Variants in NEK1 observed in about 807,000 individuals in gnomAD.
NEK1 encodes serine/threonine-protein kinase Nek1.
A neutral mutation model predicts 182.1 loss-of-function variants in NEK1; 137 were observed. That is an observed-to-expected ratio of 0.75 (90% CI 0.65 to 0.87). The LOEUF (loss-of-function observed/expected upper bound fraction) is 0.87. Among genes scored for constraint, NEK1 ranks in the 40% least tolerant of loss-of-function variants. The pLI, the probability that NEK1 is intolerant of heterozygous loss-of-function variation, is 0.00. For missense variants in NEK1, 1,391 were observed against 1,494.4 expected, an observed-to-expected ratio of 0.93 and a Z score of 1.14; for synonymous variants, 513 against 492.2, an observed-to-expected ratio of 1.04 and a Z score of -0.56.
At chr4:169,498,209 A>G (rs1346432472) in intron 23 of NEK1, among the ~76,000 whole-genome samples, 1 of 152,122 alleles carries the variant, frequency 6.6e-6, no homozygotes, top group Non-Finnish European at 1.5e-5. Context: ...GTCTTTTATC[A>G]GAGACTAGGA....
intron 23 of NEK1, among the ~76,000 whole-genome samples, chr4:169,486,273 CT>C (rs1340497315): frequency 6.6e-6 from 1 of 152,058 alleles, no homozygotes; most frequent in Non-Finnish European, 1.5e-5. Flanking sequence ...TCAATTATCG[CT>C]GTAAAACTGT....
intron 29 of NEK1, 140 bp downstream of exon 29, chr4:169,433,405 A>G: frequency 2.6e-6 from 2 of 770,930 alleles, no homozygotes; most frequent in Non-Finnish European, 4.0e-6. Context: ...CCATATGAAT[A>G]TCTATTCAAA....
In NEK1 at chr4:169,546,553, C is replaced by T. The variant is rs534990340; in HGVS notation, c.1563-8642G>A. Among the ~76,000 whole-genome samples, 8 of 152,176 alleles carry T rather than the reference C, an allele frequency of 5.3e-5. No individual in the cohort carries two copies. The East Asian group carries it at 1.2e-3, about 22-fold the overall frequency. ...GGATATCCTTGTTAATTTTGTGTCT[C>T]ATTGATCTAATATTGACAGTGGGGT... On this transcript the variant is annotated intron_variant, in intron 18 of 35. Coordinates refer to ENST00000507142, the MANE Select transcript of NEK1 (RefSeq NM_001199397.3).
chr4:169,458,445 AG>A, intron 27 of NEK1, among the ~76,000 whole-genome samples: 1 of 152,222 alleles, frequency 6.6e-6, no homozygotes, highest in East Asian at 1.9e-4. Context: ...ATGCAAAACT[AG>A]GCCGGGTGCA....
intron 18 of NEK1, chr4:169,554,936 T>C (rs2149904005): frequency 6.6e-6 from 1 of 152,312 alleles, no homozygotes; most frequent in East Asian, 1.9e-4. Flanking sequence ...TTCCACTCCA[T>C]TTTGCTGTGA....
intron 13 of NEK1, 33 bp from the exon 14 acceptor site, chr4:169,561,924 A>T: frequency 6.4e-7 from 1 of 1,555,962 alleles, no homozygotes; most frequent in Non-Finnish European, 8.7e-7. Context: ...TTAATCCATA[A>T]TAATTCCTGT....
chr4:169,607,971 G>A (rs1016367135), intron 2 of NEK1, among the ~76,000 whole-genome samples: 3 of 152,076 alleles, frequency 2.0e-5, no homozygotes, highest in African/African-American at 7.2e-5. Flanking sequence ...GGGTGGGGGT[G>A]GAGAAAGAAA....
intron 23 of NEK1, among the ~76,000 whole-genome samples, chr4:169,495,444 G>A (rs367591203): frequency 7.9e-5 from 12 of 151,840 alleles, no homozygotes; most frequent in South Asian, 4.2e-4. Context: ...GGGTTTCACC[G>A]TGTTAGCCAG....
intron 27 of NEK1, among the ~76,000 whole-genome samples, chr4:169,442,786 T>C (rs1371649475): frequency 5.3e-5 from 8 of 152,144 alleles, no homozygotes; most frequent in Non-Finnish European, 1.0e-4. Flanking sequence ...GTAATCCTAG[T>C]GTTTTAGAAA....
chr4:169,578,394 G>T (rs1279802250), intron 11 of NEK1, among the ~76,000 whole-genome samples: 1 of 152,080 alleles, frequency 6.6e-6, no homozygotes, highest in Non-Finnish European at 1.5e-5. Flanking sequence ...TCTAGCTCAG[G>T]ATTTTATATT....
intron 23 of NEK1, 72 bp downstream of exon 23, chr4:169,506,965 C>A: frequency 6.5e-6 from 6 of 921,258 alleles, no homozygotes; most frequent in Admixed American, 2.8e-5. Context: ...AATTATAATA[C>A]TGATGTACTA....
chr4:169,402,608 C>G (rs1254457318), intron 32 of NEK1, among the ~76,000 whole-genome samples: 5 of 152,110 alleles, frequency 3.3e-5, no homozygotes, highest in Non-Finnish European at 7.4e-5. Context: ...ATAACTTATA[C>G]AAATAATACC....
chr4:169,556,300 G>C lies in NEK1; in HGVS notation c.1267-205C>G, dbSNP rs10028237. Among the ~76,000 whole-genome samples, 13,415 of 152,054 alleles carry C rather than the reference G, an allele frequency of 0.088. 767 individuals are homozygous for C. The highest frequency in any genetic ancestry group is 0.16 in the African/African-American group (6,660 of 41,468). On this transcript the variant is annotated intron_variant, in intron 16 of 35. Coordinates refer to ENST00000507142, the MANE Select transcript of NEK1 (RefSeq NM_001199397.3). ...CCAAAAAGCAGTATACTTTGTAATT[G>C]ATAATAAAGCATAATGTGACAAACA...
intron 26 of NEK1, among the ~76,000 whole-genome samples, chr4:169,476,675 G>C (rs1276313132): frequency 1.3e-5 from 2 of 152,166 alleles, no homozygotes; most frequent in Non-Finnish European, 2.9e-5. Context: ...CTAGAACAAT[G>C]TAAGAAATAT....
intron 20 of NEK1, 93 bp downstream of exon 20, chr4:169,508,676 A>G (rs1380705595): frequency 1.0e-5 from 10 of 980,462 alleles, no homozygotes; most frequent in Non-Finnish European, 1.4e-5. Flanking sequence ...AAATCTTCAA[A>G]TAATTGTTAA....
intron 19 of NEK1, among the ~76,000 whole-genome samples, chr4:169,531,566 T>C (rs1229334616): frequency 6.6e-6 from 1 of 151,938 alleles, no homozygotes; most frequent in African/African-American, 2.4e-5. Flanking sequence ...AGGAGAAACT[T>C]TCTTAAGCAG....
intron 2 of NEK1, among the ~76,000 whole-genome samples, chr4:169,606,908 CT>C (rs1475704553): frequency 1.3e-5 from 2 of 152,248 alleles, no homozygotes; most frequent in Non-Finnish European, 2.9e-5. Context: ...TCATCCCAGC[CT>C]TTTCCCTGAA....
intron 27 of NEK1, among the ~76,000 whole-genome samples, chr4:169,461,588 G>A (rs992528450): frequency 8.5e-5 from 13 of 152,250 alleles, no homozygotes; most frequent in African/African-American, 2.4e-4. Context: ...ATGTGATTTC[G>A]ATGATGGTAA....
chr4:169,573,799 T>G (rs933789135), intron 12 of NEK1, among the ~76,000 whole-genome samples: 1 of 152,180 alleles, frequency 6.6e-6, no homozygotes, highest in East Asian at 1.9e-4. Context: ...AATAAAAATT[T>G]TAATGGCATG....
Sources: gnomAD v4.1 joint callset for allele counts (sites outside exome capture counted in the v4.1 genomes callset) on GRCh38, gnomAD v4.1.1 for gene constraint, MANE v1.5 for transcripts, NCBI Gene and HGNC (gene_info 2026-07-23, HGNC 2026-07-21) for gene names.